The following PDLIM5 variants were observed in gnomAD, a reference collection of about 807,000 sequenced individuals.
PDLIM5 encodes PDZ and LIM domain 5.
PDLIM5 carries 34 observed loss-of-function variants against 64.2 expected under a neutral mutation model. The ratio of observed to expected loss-of-function variants is 0.53; its 90% CI spans 0.40 to 0.71. The LOEUF (loss-of-function observed/expected upper bound fraction) is 0.71, where lower values mean the gene tolerates loss of function less well. Ranked by LOEUF, PDLIM5 falls within the 30% of genes least tolerant of loss-of-function variation. The pLI is 0.00. For missense variants in PDLIM5, 683 were observed against 733.6 expected (o/e 0.93, Z 0.80); for synonymous variants, 253 against 269.1 (o/e 0.94, Z 0.59).
intron 3 of PDLIM5, among the ~76,000 whole-genome samples, chr4:94,561,036 GAT>G: frequency 6.6e-6 from 1 of 152,180 alleles, no homozygotes; most frequent in African/African-American, 2.4e-5. Flanking sequence ...CAACTTAGAT[GAT>G]TTTTAAAAAA....
rs769922987 is a variant in PDLIM5, at chr4:94,586,393, C to G, written c.884-15C>G. The G allele has an allele frequency of 7.1e-7, 1 of 1,400,354 alleles. No homozygotes were observed. Among genetic ancestry groups the G allele is most frequent in the Non-Finnish European group, 1.0e-6 (1 of 991,422 alleles). The allele number at this position is 1,400,354 out of a possible 1,614,324, so 86.7% of individuals were successfully genotyped here. ...CAAAACAAACTAATATTGGATATTG[C>G]TTATTATATTTCAGTGAAAGAATCT... On this transcript the variant is annotated splice_polypyrimidine_tract_variant and intron_variant, in intron 6 of 12. Coordinates refer to ENST00000317968, the MANE Select transcript of PDLIM5 (RefSeq NM_006457.5).
At chr4:94,511,598 A>C (rs903382183) in intron 2 of PDLIM5, among the ~76,000 whole-genome samples, 15 of 149,464 alleles carry the variant, frequency 1.0e-4, no homozygotes, top group Non-Finnish European at 1.6e-4. Context: ...CATCCCCCCC[A>C]ACACACACAC....
intron 2 of PDLIM5, among the ~76,000 whole-genome samples, chr4:94,495,672 A>G (rs1019791819): frequency 1.3e-5 from 2 of 152,112 alleles, no homozygotes; most frequent in Non-Finnish European, 2.9e-5. Context: ...ACAGAGCCCC[A>G]CTCCCTTAAA....
chr4:94,608,129 A>G (rs555516759), intron 7 of PDLIM5: 15 of 1,530,718 alleles, frequency 9.8e-6, no homozygotes, highest in African/African-American at 5.5e-5. Context: ...GGTGTTAACT[A>G]TTGGTAGCCA....
intron 2 of PDLIM5, among the ~76,000 whole-genome samples, chr4:94,466,673 G>A (rs76299503): frequency 6.6e-6 from 1 of 152,192 alleles, no homozygotes; most frequent in Admixed American, 6.5e-5. Flanking sequence ...ACTAAATAAT[G>A]TGACAGATCT....
intron 3 of PDLIM5, among the ~76,000 whole-genome samples, chr4:94,572,495 G>A (rs115668626): frequency 1.0e-3 from 152 of 152,220 alleles, no homozygotes; most frequent in African/African-American, 3.5e-3. Context: ...ATATGATTAA[G>A]ATTATATGAG....
chr4:94,464,229 A>G lies in PDLIM5; in HGVS notation c.96+8845A>G, dbSNP rs528807416. On this transcript the variant is annotated intron_variant, in intron 2 of 12. Transcript: ENST00000317968. ...TTTTTTCCCCAAGGTCCAGAGATTG[A>G]TTTAACAATGGCCACTGTACTTCAT... is the stretch of plus-strand genomic sequence containing the variant. Among the ~76,000 whole-genome samples, 250 of 152,330 alleles carry G rather than the reference A, an allele frequency of 1.6e-3. 1 individual carries two copies. Among genetic ancestry groups the G allele is most frequent in the African/African-American group, 5.9e-3 (244 of 41,572 alleles).
chr4:94,586,269 A>G, intron 6 of PDLIM5, 139 bp from the exon 7 acceptor site: 2 of 579,726 alleles, frequency 3.4e-6, no homozygotes, highest in East Asian at 2.7e-5. Flanking sequence ...TTTATGGCCA[A>G]TAACAGGCTA....
At chr4:94,543,568 C>A (rs555316665) in intron 3 of PDLIM5, among the ~76,000 whole-genome samples, 4 of 152,114 alleles carry the variant, frequency 2.6e-5, no homozygotes, top group African/African-American at 9.6e-5. Context: ...ATTTCATATC[C>A]TTTGACCAAC....
chr4:94,584,115 A>G (rs1169088801), intron 5 of PDLIM5, among the ~76,000 whole-genome samples: 1 of 152,228 alleles, frequency 6.6e-6, no homozygotes. Context: ...TGCGGATAGC[A>G]CTATGATTTT....
At chr4:94,561,864 G>A (rs1475139168) in intron 3 of PDLIM5, among the ~76,000 whole-genome samples, 2 of 152,174 alleles carry the variant, frequency 1.3e-5, no homozygotes, top group African/African-American at 2.4e-5. Flanking sequence ...GGATGTTATT[G>A]TTGGAACAAC....
At chr4:94,563,329 G>C (rs188924304) in intron 3 of PDLIM5, among the ~76,000 whole-genome samples, 2 of 152,132 alleles carry the variant, frequency 1.3e-5, no homozygotes, top group Admixed American at 1.3e-4. Flanking sequence ...GATAGACTTG[G>C]CCTATGTATG....
chr4:94,518,693 T>A (rs559358372), intron 2 of PDLIM5, among the ~76,000 whole-genome samples: 19 of 152,346 alleles, frequency 1.2e-4, no homozygotes, highest in Non-Finnish European at 2.2e-4. Flanking sequence ...GAATCTTCTC[T>A]TTTCTATAAT....
intron 7 of PDLIM5, among the ~76,000 whole-genome samples, chr4:94,598,948 T>A (rs1214519946): frequency 2.0e-5 from 3 of 152,082 alleles, no homozygotes; most frequent in African/African-American, 7.2e-5. Flanking sequence ...TCAGTTGGTG[T>A]GTTTAGGGAA....
chr4:94,599,354 G>A (rs17336401), intron 7 of PDLIM5, among the ~76,000 whole-genome samples: 2,399 of 152,080 alleles, frequency 0.016, 33 homozygotes, highest in Non-Finnish European at 0.025. Context: ...GTGGAAAATT[G>A]GTAAGTCAGT....
intron 3 of PDLIM5, among the ~76,000 whole-genome samples, chr4:94,540,015 T>C (rs960182157): frequency 2.6e-5 from 4 of 152,024 alleles, no homozygotes; most frequent in Non-Finnish European, 4.4e-5. Flanking sequence ...ATAATAATAC[T>C]ACTAATAATA....
intron 2 of PDLIM5, among the ~76,000 whole-genome samples, chr4:94,486,331 T>G (rs1283712962): frequency 1.3e-5 from 2 of 152,218 alleles, no homozygotes; most frequent in Non-Finnish European, 2.9e-5. Flanking sequence ...GGGTTAAGTT[T>G]CAGGAGATAA....
In PDLIM5 at chr4:94,579,264, A is replaced by G. The variant is rs926074834; in HGVS notation, c.710+3230A>G. 3.2e-5 allele frequency: 8 copies of G among 251,836 alleles called. No individual in the cohort carries two copies. In the East Asian group the frequency reaches 5.6e-4, roughly 17 times the overall value. 15.6% of individuals were successfully genotyped at this position (251,836 alleles called of 1,614,324 possible). ...TCTACTAAGAGCCAAATGGGACTTTATATTTCAAACTGGAAGGATTGCTGT... is the reference window on the plus strand; with the variant it reads ...TCTACTAAGAGCCAAATGGGACTTTGTATTTCAAACTGGAAGGATTGCTGT... On this transcript the variant is annotated intron_variant, in intron 5 of 12. Coordinates refer to ENST00000317968, the MANE Select transcript of PDLIM5 (RefSeq NM_006457.5).
intron 2 of PDLIM5, among the ~76,000 whole-genome samples, chr4:94,510,019 C>G (rs921509349): frequency 6.6e-6 from 1 of 152,162 alleles, no homozygotes; most frequent in African/African-American, 2.4e-5. Context: ...ATAGTTCATT[C>G]TTACAGTCAT....
Sources: gnomAD v4.1 joint callset for allele counts (sites outside exome capture counted in the v4.1 genomes callset) on GRCh38, gnomAD v4.1.1 for gene constraint, MANE v1.5 for transcripts, NCBI Gene and HGNC (gene_info 2026-07-23, HGNC 2026-07-21) for gene names.